Variants in PODXL observed in about 807,000 individuals in gnomAD.
PODXL encodes the protein podocalyxin.
PODXL carries 20 observed loss-of-function variants against 48.9 expected under a neutral mutation model. The observed-to-expected ratio is 0.41, with a 90% confidence interval of 0.29 to 0.59. The LOEUF is 0.59. Among genes scored for constraint, PODXL ranks in the 20% least tolerant of loss-of-function variants. The probability of loss-of-function intolerance (pLI) is 0.31; values close to 1 mark genes in which losing one functional copy is unlikely to be tolerated. For missense variants in PODXL, 606 were observed against 675.1 expected (o/e 0.90, Z 1.13); for synonymous variants, 295 against 287.4 (o/e 1.03, Z -0.27).
chr7:131,512,489 G>A (rs1797930047), intron 1 of PODXL, among the ~76,000 whole-genome samples: 1 of 150,420 alleles, frequency 6.6e-6, no homozygotes, highest in Non-Finnish European at 1.5e-5. Context: ...TGAAGAATGG[G>A]AGGAGAAGTG....
chr7:131,553,555 T>A (rs910000525), intron 1 of PODXL, among the ~76,000 whole-genome samples: 2 of 152,200 alleles, frequency 1.3e-5, no homozygotes, highest in African/African-American at 4.8e-5. Flanking sequence ...TACTCGCTCA[T>A]CTTCATAGCA....
intron 1 of PODXL, among the ~76,000 whole-genome samples, chr7:131,555,944 G>A (rs1255266966): frequency 3.3e-5 from 5 of 152,210 alleles, no homozygotes; most frequent in Non-Finnish European, 7.3e-5. Context: ...GGAGCCTCGC[G>A]GTGCGGTCTC....
rs554396018 is a variant in PODXL at position 131,505,796 on chromosome 7, G to A, written c.1479+72C>T. 8 of 1,410,012 alleles carry A rather than the reference G, an allele frequency of 5.7e-6. No homozygotes were observed. The East Asian group carries it at 7.5e-5, about 13-fold the overall frequency. 87.3% of individuals were successfully genotyped at this position (1,410,012 alleles called of 1,614,324 possible). ...TGCTCCCTTTCCTCTTCTGCAACTC[G>A]GGAATCACGAGGGGAGGGTTCCTCT... On this transcript the variant is annotated intron_variant, in intron 8 of 8. Transcript: ENST00000378555.
intron 1 of PODXL, chr7:131,520,557 G>A: frequency 6.2e-6 from 1 of 162,048 alleles, no homozygotes; most frequent in Non-Finnish European, 1.3e-5. Flanking sequence ...CCACAAAAAA[G>A]GGAAAAAAAA....
chr7:131,510,901 T>C lies in PODXL; in HGVS notation c.633A>G (p.Lys211=). 6.2e-7 allele frequency: 1 copy of C among 1,614,118 alleles called. No homozygotes were observed. The highest frequency in any genetic ancestry group is 8.5e-7 in the Non-Finnish European group (1 of 1,180,036). Residue 211 remains lysine, a synonymous_variant, in exon 2 of 9, where the codon AAA becomes AAG. Coordinates refer to ENST00000378555, the MANE Select transcript of PODXL (RefSeq NM_001018111.3). Reference sequence around the variant, plus strand: ...CCACAGTGCTTGAACTGCTTGAAATTTTCATAAGATGGTCATGTCCCGAGC... The same window carrying C: ...CCACAGTGCTTGAACTGCTTGAAATCTTCATAAGATGGTCATGTCCCGAGC... ...PTSSGHDHLM[K]ISSSSSTVAI... is the part of the protein sequence containing the mutation.
intron 1 of PODXL, among the ~76,000 whole-genome samples, chr7:131,555,172 C>T (rs1798724079): frequency 6.6e-6 from 1 of 152,192 alleles, no homozygotes; most frequent in South Asian, 2.1e-4. Context: ...AAACTGCCGG[C>T]ACCTGCTCAC....
rs931569740 is a variant in PODXL, at chr7:131,501,107, AAAAAC to A, written c.*3199_*3203del. The stretch of plus-strand genomic sequence containing the variant: ...GGGCAGGGTTGCATTTTAAAATTAA[AAAAAC>A]AAAACAAAACACCTGATCTACAAGA... On this transcript the variant is annotated 3_prime_UTR_variant, in exon 9 of 9. Coordinates refer to ENST00000378555, the MANE Select transcript of PODXL (RefSeq NM_001018111.3). 9.2e-5 allele frequency: 14 copies of A among 152,742 alleles called. No homozygotes were observed. The highest frequency in any genetic ancestry group is 3.9e-4 in the East Asian group (2 of 5,184). 9.5% of individuals were successfully genotyped at this position (152,742 alleles called of 1,614,324 possible).
chr7:131,522,545 G>A (rs917232346), intron 1 of PODXL, among the ~76,000 whole-genome samples: 2 of 152,322 alleles, frequency 1.3e-5, no homozygotes, highest in South Asian at 4.1e-4. Flanking sequence ...GACCCACAGA[G>A]ATATTACTGG....
At chr7:131,531,418 G>A (rs1264370732) in intron 1 of PODXL, among the ~76,000 whole-genome samples, 2 of 152,196 alleles carry the variant, frequency 1.3e-5, no homozygotes, top group African/African-American at 4.8e-5. Flanking sequence ...AGGCCATCGA[G>A]GAACTGACTC....
rs757819461 is a variant in PODXL at position 131,509,414 on chromosome 7, T to C, written c.974A>G (p.His325Arg). ...SSSPTAASTT[H>R]RYPKTPSPTV... ...GGGAGAAGGTGTTTTGGGGTATCGG[T>C]GGGTAGTTGATGCTGCTGTGGGGCT... is the stretch of plus-strand genomic sequence containing the variant. Residue 325 changes from histidine to arginine, a missense_variant, in exon 4 of 9, where the codon CAC (histidine) becomes CGC (arginine). His to Arg is a conservative substitution (Grantham distance 29). Transcript: ENST00000378555. 6.2e-7 allele frequency: 1 copy of C among 1,613,770 alleles called. No homozygotes were observed. The highest frequency in any genetic ancestry group is 8.5e-7 in the Non-Finnish European group (1 of 1,179,898).
At chr7:131,532,460 AAATAAT>A (rs202171448) in intron 1 of PODXL, among the ~76,000 whole-genome samples, 2 of 149,752 alleles carry the variant, frequency 1.3e-5, no homozygotes, top group Admixed American at 1.3e-4. Context: ...AATTAAAAAT[AAATAAT>A]AATAATAATA....
At position 131,547,102 on chromosome 7, in the gene PODXL, G is replaced by A. The variant is rs370578534; in HGVS notation, c.100+9158C>T. On this transcript the variant is annotated intron_variant, in intron 1 of 8. Coordinates refer to ENST00000378555, the MANE Select transcript of PODXL (RefSeq NM_001018111.3). ...GAAATAAAATCAACATGCCAGGTGC[G>A]GGTGGCTCACATCTGTAATCCTATC... 1.5e-4 allele frequency among the ~76,000 whole-genome samples: 23 copies of A among 152,202 alleles called. 1 individual carries two copies. The highest frequency in any genetic ancestry group is 1.4e-3 in the South Asian group (7 of 4,830).
At chr7:131,515,096 A>G (rs568690781) in intron 1 of PODXL, among the ~76,000 whole-genome samples, 2 of 152,142 alleles carry the variant, frequency 1.3e-5, no homozygotes, top group East Asian at 3.8e-4. Flanking sequence ...GCCCCTTTCC[A>G]GTTGTAACCA....
chr7:131,504,548 A>G, intron 8 of PODXL, 40 bp from the exon 9 acceptor site: 1 of 1,562,704 alleles, frequency 6.4e-7, no homozygotes, highest in Admixed American at 1.7e-5. Flanking sequence ...GGGGTTTCAG[A>G]GGGCTCTGAG....
intron 1 of PODXL, among the ~76,000 whole-genome samples, chr7:131,540,778 A>G (rs1798463847): frequency 6.6e-6 from 1 of 152,168 alleles, no homozygotes; most frequent in South Asian, 2.1e-4. Flanking sequence ...AACCTCCACC[A>G]GGGCCGAGTC....
rs1341740153 is a variant in PODXL, at chr7:131,511,364, G to C, written c.170C>G (p.Ala57Gly). The change falls in exon 2 of 9, where the codon GCT becomes GGT. Residue 57 changes from alanine (A) to glycine (G), a missense_variant. Ala to Gly is a moderately conservative substitution (Grantham distance 60, BLOSUM62 0). Transcript: ENST00000378555. ...PTPASSVTIM[A>G]TDTAQQSTVP... ...TGTGCTCTGCTGGGCTGTATCTGTAGCCATGATGGTGACACTGGATGCTGG... is the reference window on the plus strand; with the variant it reads ...TGTGCTCTGCTGGGCTGTATCTGTACCCATGATGGTGACACTGGATGCTGG... 6.2e-7 allele frequency: 1 copy of C among 1,609,732 alleles called. No individual in the cohort carries two copies.
intron 1 of PODXL, among the ~76,000 whole-genome samples, chr7:131,541,578 G>A (rs1315455863): frequency 2.6e-5 from 4 of 151,762 alleles, no homozygotes; most frequent in Admixed American, 6.6e-5. Context: ...CCCGCTCCTC[G>A]GAAGGCTGAG....
intron 1 of PODXL, among the ~76,000 whole-genome samples, chr7:131,533,761 C>G (rs765494770): frequency 2.6e-5 from 4 of 152,180 alleles, no homozygotes; most frequent in Non-Finnish European, 5.9e-5. Flanking sequence ...CTCTGTAACT[C>G]CCCACTAAAG....
At position 131,500,618 on chromosome 7, in the gene PODXL, T is replaced by C. The variant is rs1161921640; in HGVS notation, c.*3693A>G. 6.6e-6 allele frequency: 1 copy of C among 152,284 alleles called. No homozygotes were observed. Among genetic ancestry groups the C allele is most frequent in the African/African-American group, 2.4e-5 (1 of 41,472 alleles). 9.4% of individuals were successfully genotyped at this position (152,284 alleles called of 1,614,324 possible). ...ATGTTTCCTTGGTCCCTCAGTCCTGTTGGAGTAAGTTCCATATATAAAAGC... is the reference window on the plus strand; with the variant it reads ...ATGTTTCCTTGGTCCCTCAGTCCTGCTGGAGTAAGTTCCATATATAAAAGC... On this transcript the variant is annotated 3_prime_UTR_variant, in exon 9 of 9. Transcript: ENST00000378555.
Sources: gnomAD v4.1 joint callset for allele counts (sites outside exome capture counted in the v4.1 genomes callset) on GRCh38, gnomAD v4.1.1 for gene constraint, MANE v1.5 for transcripts, NCBI Gene and HGNC (gene_info 2026-07-23, HGNC 2026-07-21) for gene names.